Variants in DENND5A observed in about 807,000 individuals in gnomAD.
DENND5A encodes DENN domain containing 5A, also known as DENN domain-containing protein 5A.
DENND5A carries 64 observed loss-of-function variants against 140.3 expected under a neutral mutation model. That is an observed-to-expected ratio of 0.46 (90% CI 0.37 to 0.56). The LOEUF (loss-of-function observed/expected upper bound fraction) is 0.56. Ranked by LOEUF, DENND5A falls within the 20% of genes least tolerant of loss-of-function variation. DENND5A has a pLI of 0.00. For synonymous variants in DENND5A, 605 were observed against 607.7 expected (o/e 1.00, Z 0.07); for missense variants, 1,292 against 1,593.8 (o/e 0.81, Z 3.22).
At chr11:9,253,198 A>G (rs181663391) in intron 1 of DENND5A, among the ~76,000 whole-genome samples, 29 of 152,208 alleles carry the variant, frequency 1.9e-4, no homozygotes, top group Admixed American at 8.5e-4. Context: ...ACACCTTCCA[A>G]CAAAGCCAAA....
At chr11:9,212,809 G>A (rs1430077612) in intron 1 of DENND5A, among the ~76,000 whole-genome samples, 2 of 152,100 alleles carry the variant, frequency 1.3e-5, no homozygotes, top group African/African-American at 4.8e-5. Flanking sequence ...CGTATTGTGT[G>A]ATTCCATTTA....
intron 1 of DENND5A, among the ~76,000 whole-genome samples, chr11:9,232,448 C>T (rs1850812096): frequency 6.6e-6 from 1 of 152,058 alleles, no homozygotes; most frequent in Non-Finnish European, 1.5e-5. Flanking sequence ...TCAAAAAAGA[C>T]ATATAAATGC....
At chr11:9,224,449 A>C (rs1850449515) in intron 1 of DENND5A, among the ~76,000 whole-genome samples, 1 of 152,158 alleles carries the variant, frequency 6.6e-6, no homozygotes. Context: ...GAGTTCCCCA[A>C]ACAGGGCATG....
chr11:9,139,587 C>A lies in DENND5A; in HGVS notation c.*84G>T. ...GTACATTTTGTCTCCTACTCCTGCA[C>A]AATCGCTTAAGTCCCTTTGGGAAAA... On this transcript the variant is annotated 3_prime_UTR_variant, in exon 23 of 23. Coordinates refer to ENST00000328194, the MANE Select transcript of DENND5A (RefSeq NM_015213.4). 1 of 1,327,772 alleles carries A rather than the reference C, an allele frequency of 7.5e-7. No homozygotes were observed. Among genetic ancestry groups the A allele is most frequent in the Non-Finnish European group, 1.0e-6 (1 of 961,406 alleles). The allele number at this position is 1,327,772 out of a possible 1,614,324, so 82.2% of individuals were successfully genotyped here. A position where few individuals can be genotyped will look rare whatever the true frequency, so the allele number is the denominator to read the frequency against.
At chr11:9,186,101 G>C (rs1458940451) in intron 5 of DENND5A, among the ~76,000 whole-genome samples, 5 of 152,160 alleles carry the variant, frequency 3.3e-5, no homozygotes, top group Non-Finnish European at 7.3e-5. Flanking sequence ...CATTTGCTGA[G>C]TGCATAAATT....
chr11:9,147,273 G>T, intron 15 of DENND5A, 122 bp from the exon 16 acceptor site: 1 of 1,025,410 alleles, frequency 9.8e-7, no homozygotes, highest in Non-Finnish European at 1.4e-6. Context: ...AGTTCCTTAG[G>T]TTCACCCTAT....
At chr11:9,145,648 T>A (rs1847404948) in intron 17 of DENND5A, 22 bp downstream of exon 17, 1 of 1,613,790 alleles carries the variant, frequency 6.2e-7, no homozygotes, top group Non-Finnish European at 8.5e-7. Context: ...CCCACAGAGC[T>A]GTGGCCCCAA....
intron 1 of DENND5A, among the ~76,000 whole-genome samples, chr11:9,261,235 TG>T (rs372981137): frequency 6.6e-5 from 10 of 152,306 alleles, no homozygotes; most frequent in African/African-American, 1.7e-4. Context: ...ATCTTTGATT[TG>T]CTTATTCTGG....
intron 1 of DENND5A, among the ~76,000 whole-genome samples, chr11:9,253,100 C>A (rs79549010): frequency 0.059 from 8,927 of 152,128 alleles, 364 homozygotes; most frequent in South Asian, 0.1. Flanking sequence ...CATCCTCCCC[C>A]ACTCGGCCCC....
intron 22 of DENND5A, among the ~76,000 whole-genome samples, chr11:9,141,566 G>T (rs1282839293): frequency 1.3e-5 from 2 of 152,156 alleles, no homozygotes; most frequent in Non-Finnish European, 1.5e-5. Context: ...GGAGCTTCCT[G>T]CCACAGCAGC....
At chr11:9,208,037 T>C (rs1205416336) in intron 1 of DENND5A, among the ~76,000 whole-genome samples, 4 of 152,120 alleles carry the variant, frequency 2.6e-5, no homozygotes, top group African/African-American at 9.7e-5. Context: ...TGGGACAAAT[T>C]AAATGCATAT....
chr11:9,164,261 T>C (rs1848111874), intron 11 of DENND5A, among the ~76,000 whole-genome samples: 1 of 137,046 alleles, frequency 7.3e-6, no homozygotes. Context: ...CCATGTTGCT[T>C]AGCCTGGCCT....
chr11:9,204,444 CTCTT>C lies in DENND5A; in HGVS notation c.292-131_292-128del. On this transcript the variant is annotated intron_variant, in intron 3 of 22. Transcript: ENST00000328194. ...GAGCGTGTATCTGGCTTAAAGCTCT[CTCTT>C]TCTAATGCAAGACATGCAAGTAAAT... is the stretch of plus-strand genomic sequence containing the variant. 4.7e-6 allele frequency: 4 copies of C among 859,012 alleles called. No homozygotes were observed. In the South Asian group the frequency reaches 7.1e-5, roughly 15 times the overall value. 53.2% of individuals were successfully genotyped at this position (859,012 alleles called of 1,614,324 possible).
At chr11:9,177,652 T>C (rs982210191) in intron 8 of DENND5A, among the ~76,000 whole-genome samples, 7 of 149,748 alleles carry the variant, frequency 4.7e-5, no homozygotes, top group Non-Finnish European at 1.0e-4. Context: ...AGAGACCCTG[T>C]CACACAGGCA....
chr11:9,156,303 C>G (rs554305830), intron 12 of DENND5A, among the ~76,000 whole-genome samples: 1 of 152,234 alleles, frequency 6.6e-6, no homozygotes, highest in South Asian at 2.1e-4. Context: ...CTCCAAAAGC[C>G]AGGACTCAGA....
At chr11:9,199,455 G>C (rs1318539933) in intron 4 of DENND5A, among the ~76,000 whole-genome samples, 1 of 152,118 alleles carries the variant, frequency 6.6e-6, no homozygotes, top group Non-Finnish European at 1.5e-5. Flanking sequence ...TCATGATTGT[G>C]CCACTGCACT....
At chr11:9,201,112 A>G (rs1377267795) in intron 4 of DENND5A, among the ~76,000 whole-genome samples, 2 of 152,180 alleles carry the variant, frequency 1.3e-5, no homozygotes, top group Middle Eastern at 3.2e-3. Flanking sequence ...AACACTCTTC[A>G]TTATGGTATA....
intron 1 of DENND5A, among the ~76,000 whole-genome samples, chr11:9,239,969 A>G (rs1851165069): frequency 6.6e-6 from 1 of 152,176 alleles, no homozygotes; most frequent in Admixed American, 6.6e-5. Context: ...TGAATAAATC[A>G]TAGAGATTAT....
intron 5 of DENND5A, among the ~76,000 whole-genome samples, chr11:9,188,414 C>A (rs537119635): frequency 2.0e-5 from 3 of 152,160 alleles, no homozygotes; most frequent in Admixed American, 6.6e-5. Flanking sequence ...TAGAGTGGGG[C>A]GCTGCTTAAA....
Sources: gnomAD v4.1 joint callset for allele counts (sites outside exome capture counted in the v4.1 genomes callset) on GRCh38, gnomAD v4.1.1 for gene constraint, MANE v1.5 for transcripts, NCBI Gene and HGNC (gene_info 2026-07-23, HGNC 2026-07-21) for gene names.